WDR70: variants seen among roughly 807,000 people sequenced by gnomAD.
WDR70 encodes WD repeat-containing protein 70.
A neutral mutation model predicts 88.6 loss-of-function variants in WDR70; 53 were observed. The observed-to-expected ratio is 0.60, with a 90% CI of 0.48 to 0.75. The LOEUF (loss-of-function observed/expected upper bound fraction) is 0.75. WDR70 is among the 30% of genes least tolerant of loss of function. WDR70 has a pLI of 0.00. For missense variants in WDR70, 610 were observed against 823.2 expected, an observed-to-expected ratio of 0.74 and a Z score of 3.17; for synonymous variants, 280 against 270.0, an observed-to-expected ratio of 1.04 and a Z score of -0.36.
intron 10 of WDR70, among the ~76,000 whole-genome samples, chr5:37,647,281 C>G (rs1230243406): frequency 6.6e-6 from 1 of 152,080 alleles, no homozygotes; most frequent in African/African-American, 2.4e-5. Context: ...TCTGTGTTAT[C>G]TTGAGTTTAT....
intron 9 of WDR70, among the ~76,000 whole-genome samples, chr5:37,570,030 A>G (rs570355775): frequency 1.3e-5 from 2 of 152,298 alleles, no homozygotes; most frequent in Non-Finnish European, 2.9e-5. Context: ...GCTATAAGAC[A>G]TACTATTGTG....
chr5:37,416,508 G>C (rs1473460672), intron 5 of WDR70, among the ~76,000 whole-genome samples: 1 of 149,950 alleles, frequency 6.7e-6, no homozygotes, highest in Non-Finnish European at 1.5e-5. Flanking sequence ...GGAAAGAGAG[G>C]GAGAGGGAGA....
At chr5:37,723,816 C>A (rs915995878) in intron 15 of WDR70, 7 of 152,138 alleles carry the variant, frequency 4.6e-5, no homozygotes, top group African/African-American at 1.4e-4. Context: ...TAAATTCCTC[C>A]AGTCGTTTGA....
chr5:37,463,813 C>T (rs78769631), intron 7 of WDR70, among the ~76,000 whole-genome samples: 24,621 of 152,124 alleles, frequency 0.16, 2,122 homozygotes, highest in South Asian at 0.27. Context: ...TAATCCTGTC[C>T]TTTTAACTCT....
At chr5:37,554,637 GACAC>G (rs373842695) in intron 9 of WDR70, among the ~76,000 whole-genome samples, 11 of 148,584 alleles carry the variant, frequency 7.4e-5, no homozygotes, top group Non-Finnish European at 1.6e-4. Flanking sequence ...TAGGCTAACA[GACAC>G]ACACACACAC....
intron 7 of WDR70, among the ~76,000 whole-genome samples, chr5:37,475,292 A>G (rs542540749): frequency 6.6e-6 from 1 of 151,548 alleles, no homozygotes; most frequent in Admixed American, 6.6e-5. Flanking sequence ...CTGGAGTGCA[A>G]TGGCGCAATC....
chr5:37,521,585 G>A (rs1030874048), intron 9 of WDR70, among the ~76,000 whole-genome samples: 2 of 152,100 alleles, frequency 1.3e-5, no homozygotes, highest in Non-Finnish European at 2.9e-5. Flanking sequence ...GAGAAGATGC[G>A]ATGTTTGGTT....
chr5:37,576,518 A>C (rs993774201), intron 9 of WDR70, among the ~76,000 whole-genome samples: 1 of 152,192 alleles, frequency 6.6e-6, no homozygotes, highest in African/African-American at 2.4e-5. Context: ...GAACCAGTTA[A>C]TTTTTCAAGC....
intron 5 of WDR70, among the ~76,000 whole-genome samples, chr5:37,401,566 C>A (rs1394592561): frequency 3.3e-5 from 5 of 152,104 alleles, no homozygotes; most frequent in Admixed American, 3.3e-4. Flanking sequence ...ATCCACCTAC[C>A]TTGGCCTCCC....
chr5:37,381,654 G>T lies in WDR70; in HGVS notation c.144G>T (p.Arg48Ser). 6.2e-7 allele frequency: 1 copy of T among 1,611,908 alleles called. No individual in the cohort carries two copies. The highest frequency in any genetic ancestry group is 1.1e-5 in the South Asian group (1 of 91,024). ...DLEAMFEQTR[R>S]TAVERSRKTL... is the part of the protein sequence containing the mutation. ...AAGCAATGTTTGAACAAACTCGAAG[G>T]ACAGCTGTGGAAAGAAGTCGCAAAA... Residue 48 changes from arginine (R) to serine (S), a missense_variant, in exon 3 of 18, where the codon AGG becomes AGT. Arg to Ser is a moderately radical substitution (Grantham distance 110). Transcript: ENST00000265107.
chr5:37,499,637 T>G (rs1740344946), intron 8 of WDR70, among the ~76,000 whole-genome samples: 1 of 118,080 alleles, frequency 8.5e-6, no homozygotes, highest in African/African-American at 3.6e-5. Context: ...CTCGTCTCGG[T>G]TCACTGCAGC....
intron 9 of WDR70, among the ~76,000 whole-genome samples, chr5:37,553,869 G>A (rs1261637485): frequency 6.6e-6 from 1 of 152,140 alleles, no homozygotes; most frequent in Admixed American, 6.5e-5. Context: ...TGTAAAATGG[G>A]ATTGTGCGAG....
At chr5:37,393,092 C>T (rs1261712070) in intron 4 of WDR70, among the ~76,000 whole-genome samples, 1 of 152,022 alleles carries the variant, frequency 6.6e-6, no homozygotes, top group African/African-American at 2.4e-5. Context: ...GCCCAGGCTG[C>T]AGTGCAGTGG....
intron 3 of WDR70, among the ~76,000 whole-genome samples, chr5:37,386,510 T>C (rs1748621661): frequency 6.6e-6 from 1 of 152,094 alleles, no homozygotes; most frequent in Admixed American, 6.6e-5. Context: ...TTATTTTTAG[T>C]AGAGACAGGG....
At chr5:37,392,698 G>T (rs1017636265) in intron 4 of WDR70, among the ~76,000 whole-genome samples, 9 of 152,148 alleles carry the variant, frequency 5.9e-5, no homozygotes, top group Non-Finnish European at 1.3e-4. Context: ...AGGCTGGAGT[G>T]CAGTGGCTTG....
At chr5:37,654,309 CTGTT>C (rs1393633530) in intron 10 of WDR70, among the ~76,000 whole-genome samples, 1 of 152,080 alleles carries the variant, frequency 6.6e-6, no homozygotes, top group Non-Finnish European at 1.5e-5. Context: ...GTTTGAGAGA[CTGTT>C]TGTCATGATT....
intron 10 of WDR70, among the ~76,000 whole-genome samples, chr5:37,656,936 TG>T (rs913869044): frequency 2.6e-5 from 4 of 152,160 alleles, no homozygotes; most frequent in Non-Finnish European, 4.4e-5. Context: ...CTGAGTTCCA[TG>T]GGGGCGGGAT....
intron 11 of WDR70, among the ~76,000 whole-genome samples, chr5:37,699,610 T>A (rs1747092232): frequency 6.6e-6 from 1 of 152,210 alleles, no homozygotes; most frequent in South Asian, 2.1e-4. Context: ...GGTTAATGTT[T>A]TCTTATTGTT....
chr5:37,594,249 T>A (rs1412549766), intron 9 of WDR70, among the ~76,000 whole-genome samples: 1 of 152,138 alleles, frequency 6.6e-6, no homozygotes, highest in Admixed American at 6.5e-5. Flanking sequence ...ATTGCCTAGG[T>A]TTTCTTCTAG....
Sources: gnomAD v4.1 joint callset for allele counts (sites outside exome capture counted in the v4.1 genomes callset) on GRCh38, gnomAD v4.1.1 for gene constraint, MANE v1.5 for transcripts, NCBI Gene and HGNC (gene_info 2026-07-23, HGNC 2026-07-21) for gene names.